CNTNAP2: variants seen among roughly 807,000 people sequenced by gnomAD.
CNTNAP2 encodes contactin associated protein 2.
In CNTNAP2, 98 loss-of-function variants were observed where a neutral mutation model predicts 155.2. The observed-to-expected ratio is 0.63, with a 90% CI of 0.54 to 0.75. The LOEUF is 0.75. CNTNAP2 is among the 30% of genes least tolerant of loss of function. CNTNAP2 has a pLI of 0.00. For synonymous variants in CNTNAP2, 651 were observed against 631.2 expected (o/e 1.03, Z -0.47); for missense variants, 1,727 against 1,688.1 (o/e 1.02, Z -0.40).
At chr7:146,606,016 A>C (rs1799040931) in intron 1 of CNTNAP2, among the ~76,000 whole-genome samples, 1 of 152,196 alleles carries the variant, frequency 6.6e-6, no homozygotes, top group South Asian at 2.1e-4. Flanking sequence ...GGTCAACTTA[A>C]ATGTAAACCT....
At chr7:146,663,880 G>C (rs1383468109) in intron 1 of CNTNAP2, among the ~76,000 whole-genome samples, 1 of 149,766 alleles carries the variant, frequency 6.7e-6, no homozygotes, top group East Asian at 1.9e-4. Context: ...TTTTTGTAGA[G>C]TTATTACATT....
At chr7:147,349,663 A>G (rs1375017868) in intron 9 of CNTNAP2, among the ~76,000 whole-genome samples, 1 of 151,904 alleles carries the variant, frequency 6.6e-6, no homozygotes, top group African/African-American at 2.4e-5. Context: ...AACTCTTCTC[A>G]TTTGTCTATC....
At chr7:148,008,576 T>G (rs1802019740) in intron 15 of CNTNAP2, among the ~76,000 whole-genome samples, 1 of 152,216 alleles carries the variant, frequency 6.6e-6, no homozygotes, top group Non-Finnish European at 1.5e-5. Flanking sequence ...CTTTCCACTT[T>G]CAATGTCATG....
intron 13 of CNTNAP2, among the ~76,000 whole-genome samples, chr7:147,642,006 G>GTGCA (rs1215667264): frequency 2.3e-5 from 3 of 127,926 alleles, no homozygotes; most frequent in African/African-American, 1.0e-4. Context: ...AGGTGTGTGT[G>GTGCA]TGTGCGTGTG....
chr7:147,274,360 A>T (rs190059678), intron 8 of CNTNAP2, among the ~76,000 whole-genome samples: 1 of 152,272 alleles, frequency 6.6e-6, no homozygotes, highest in African/African-American at 2.4e-5. Context: ...CTTGTATAAG[A>T]TGATCATCAT....
intron 8 of CNTNAP2, among the ~76,000 whole-genome samples, chr7:147,246,199 C>G (rs1804063817): frequency 6.6e-6 from 1 of 150,872 alleles, no homozygotes; most frequent in South Asian, 2.1e-4. Context: ...TGCAGGTGGG[C>G]CAGCACGTTG....
intron 7 of CNTNAP2, 101 bp downstream of exon 7, chr7:147,128,937 A>G (rs191785221): frequency 6.6e-7 from 1 of 1,504,062 alleles, no homozygotes; most frequent in Non-Finnish European, 9.2e-7. Flanking sequence ...ATTTTTCATC[A>G]TATTTGTGTT....
intron 1 of CNTNAP2, among the ~76,000 whole-genome samples, chr7:146,343,439 G>A (rs760298631): frequency 6.6e-5 from 10 of 151,692 alleles, no homozygotes; most frequent in East Asian, 1.9e-4. Flanking sequence ...GATACGTTCC[G>A]CCTTTGCTGC....
chr7:147,775,310 A>T lies in CNTNAP2; in HGVS notation c.2099-128255A>T, dbSNP rs2373186. ...ATATATATATTTATATATATTTATA[A>T]ATATATATATATTTATATATATTTA... On this transcript the variant is annotated intron_variant, in intron 13 of 23. Transcript: ENST00000361727. Among the ~76,000 whole-genome samples, 87 of 47,574 alleles carry T rather than the reference A, an allele frequency of 1.8e-3. 4 individuals carry two copies. Among genetic ancestry groups the T allele is most frequent in the African/African-American group, 8.3e-3 (84 of 10,072 alleles). 31.2% of individuals were successfully genotyped at this position (47,574 alleles called of 152,430 possible). A position where few individuals can be genotyped will look rare whatever the true frequency, so the allele number is the denominator to read the frequency against.
At chr7:147,262,297 A>G (rs1336421704) in intron 8 of CNTNAP2, among the ~76,000 whole-genome samples, 2 of 152,210 alleles carry the variant, frequency 1.3e-5, no homozygotes, top group Admixed American at 6.5e-5. Flanking sequence ...AACTAAATAC[A>G]TAGGGTGTGT....
chr7:147,097,732 C>A lies in CNTNAP2; in HGVS notation c.551-10415C>A, dbSNP rs146887171. On this transcript the variant is annotated intron_variant, in intron 4 of 23. Transcript: ENST00000361727. ...TATCAGATGAATTTGAAAAGGATAG[C>A]GCATAGAAATTTTGGATAGCTAAAG... The A allele has an allele frequency of 3.3e-4, 50 of 152,114 alleles. 1 individual carries two copies. Among genetic ancestry groups the A allele is most frequent in the African/African-American group, 1.2e-3 (49 of 41,490 alleles). The allele number at this position is 152,114 out of a possible 1,614,324, so 9.4% of individuals were successfully genotyped here.
chr7:146,462,270 T>C (rs1796648513), intron 1 of CNTNAP2, among the ~76,000 whole-genome samples: 1 of 152,248 alleles, frequency 6.6e-6, no homozygotes, highest in Admixed American at 6.5e-5. Flanking sequence ...TTATCAGTTC[T>C]CTTTTCTTCT....
intron 13 of CNTNAP2, among the ~76,000 whole-genome samples, chr7:147,730,555 T>G (rs1796721243): frequency 6.6e-6 from 1 of 152,062 alleles, no homozygotes; most frequent in Non-Finnish European, 1.5e-5. Context: ...AAATGTTCTG[T>G]GTGTTCTAAC....
rs187197356 is a variant in CNTNAP2 at position 147,031,886 on chromosome 7, C to A, written c.403-12021C>A. On this transcript the variant is annotated intron_variant, in intron 3 of 23. Coordinates refer to ENST00000361727, the MANE Select transcript of CNTNAP2 (RefSeq NM_014141.6). ...TGAGTTGAGACCATGCCACTGCATT[C>A]CAGCCCGGACAACAGAAAAAGACTC... is the stretch of plus-strand genomic sequence containing the variant. Among the ~76,000 whole-genome samples the A allele has an allele frequency of 1.4e-3, 208 of 152,296 alleles. 1 individual carries two copies. Among genetic ancestry groups the A allele is most frequent in the African/African-American group, 4.8e-3 (201 of 41,568 alleles).
intron 13 of CNTNAP2, among the ~76,000 whole-genome samples, chr7:147,850,202 C>T (rs1193148685): frequency 6.6e-6 from 1 of 152,106 alleles, no homozygotes. Context: ...AGGAATCCAA[C>T]TTATAAGGGA....
At chr7:148,219,566 G>A (rs1269076006) in intron 19 of CNTNAP2, among the ~76,000 whole-genome samples, 1 of 152,116 alleles carries the variant, frequency 6.6e-6, no homozygotes, top group Admixed American at 6.5e-5. Flanking sequence ...GCATGAAGGT[G>A]CACACTTGTG....
chr7:146,872,162 ATTTTT>A lies in CNTNAP2; in HGVS notation c.402+32278_402+32282del, dbSNP rs144291754. ...CCTTTTGGGCCAGTTAAATTATTGA[ATTTTT>A]TTTTTTTTTTTTTTTTTTTGGTAAA... On this transcript the variant is annotated intron_variant, in intron 3 of 23. Coordinates refer to ENST00000361727, the MANE Select transcript of CNTNAP2 (RefSeq NM_014141.6). Among the ~76,000 whole-genome samples the A allele has an allele frequency of 4.4e-3, 492 of 111,532 alleles. 2 individuals are homozygous for A. The highest frequency in any genetic ancestry group is 0.015 in the African/African-American group (453 of 29,620). The allele number at this position is 111,532 out of a possible 152,430, so 73.2% of individuals were successfully genotyped here. A position where few individuals can be genotyped will look rare whatever the true frequency, so the allele number is the denominator to read the frequency against.
At chr7:146,773,197 CTAA>C (rs1166135150) in intron 1 of CNTNAP2, among the ~76,000 whole-genome samples, 1 of 151,576 alleles carries the variant, frequency 6.6e-6, no homozygotes, top group Non-Finnish European at 1.5e-5. Context: ...GAGCAAGCAG[CTAA>C]TGAGAAAAAA....
intron 14 of CNTNAP2, among the ~76,000 whole-genome samples, chr7:147,964,838 A>C (rs546103866): frequency 6.6e-6 from 1 of 152,304 alleles, no homozygotes; most frequent in Middle Eastern, 3.4e-3. Flanking sequence ...GTTTATTAAA[A>C]TCTAATTAAC....
Sources: allele counts gnomAD v4.1 joint callset (sites outside exome capture counted in the v4.1 genomes callset), GRCh38; gene constraint gnomAD v4.1.1; transcripts MANE v1.5; gene names NCBI Gene and HGNC (gene_info 2026-07-23, HGNC 2026-07-21).